The following MAP4K4 variants were observed in gnomAD, a reference collection of about 807,000 sequenced individuals.
The protein encoded by MAP4K4 is mitogen-activated protein kinase kinase kinase kinase 4.
Under a neutral mutation model 189.6 loss-of-function variants are expected in MAP4K4, and 38 were observed. That is an observed-to-expected ratio of 0.20 (90% CI 0.15 to 0.26). MAP4K4 has a LOEUF of 0.26. MAP4K4 is among the 10% of genes least tolerant of loss of function. The pLI is 1.00. For missense variants in MAP4K4, 1,054 were observed against 1,726.9 expected (o/e 0.61, Z 6.91); for synonymous variants, 610 against 624.3 (o/e 0.98, Z 0.34).
At chr2:101,762,889 C>T (rs963985263) in intron 2 of MAP4K4, among the ~76,000 whole-genome samples, 1 of 152,140 alleles carries the variant, frequency 6.6e-6, no homozygotes, top group Non-Finnish European at 1.5e-5. Flanking sequence ...TTTCCAGCAG[C>T]TGTTTTGGGC....
chr2:101,839,932 G>A, exon 10 of MAP4K4: 2 of 1,613,866 alleles, frequency 1.2e-6, no homozygotes, highest in Non-Finnish European at 1.7e-6. Flanking sequence ...CCAAATGAAA[G>A]GCAAGTTAGA....
At chr2:101,846,688 A>G (rs567219203) in intron 12 of MAP4K4, among the ~76,000 whole-genome samples, 2 of 152,348 alleles carry the variant, frequency 1.3e-5, no homozygotes, top group South Asian at 2.1e-4. Flanking sequence ...TCATGTTTTA[A>G]TTAGCCCATT....
At chr2:101,752,349 G>T (rs575699633) in intron 2 of MAP4K4, among the ~76,000 whole-genome samples, 1 of 152,296 alleles carries the variant, frequency 6.6e-6, no homozygotes, top group East Asian at 1.9e-4. Context: ...GCACCAGCTT[G>T]TCTCTTACGG....
At chr2:101,699,428 C>A (rs1478202440) in intron 2 of MAP4K4, among the ~76,000 whole-genome samples, 1 of 152,192 alleles carries the variant, frequency 6.6e-6, no homozygotes, top group East Asian at 1.9e-4. Context: ...CTTGAAAATT[C>A]AGAACGGAAT....
chr2:101,882,948 G>T (rs77761692), intron 28 of MAP4K4, among the ~76,000 whole-genome samples: 1 of 152,226 alleles, frequency 6.6e-6, no homozygotes, highest in Non-Finnish European at 1.5e-5. Context: ...TCTCCCCCAC[G>T]CTGTGCATCT....
rs1338850999 is a variant in MAP4K4 at position 101,760,102 on chromosome 2, TC to T, written c.124-30615del. Reference sequence around the variant, plus strand: ...CTCAGGTGATTTTCTGGCCTTGGCCTCCCAAAGTGTTGGGATCACAGGCATG... The same window carrying T: ...CTCAGGTGATTTTCTGGCCTTGGCCTCCAAAGTGTTGGGATCACAGGCATG... On this transcript the variant is annotated intron_variant, in intron 2 of 32. Transcript: ENST00000324219. Among the ~76,000 whole-genome samples, 3 of 151,998 alleles carry T rather than the reference TC, an allele frequency of 2.0e-5. No homozygotes were observed. In the East Asian group the frequency reaches 5.8e-4, roughly 29 times the overall value.
In MAP4K4 at chr2:101,780,396, A is replaced by T. The variant is rs116130274; in HGVS notation, c.124-10324A>T. Among the ~76,000 whole-genome samples the T allele has an allele frequency of 2.5e-3, 374 of 152,360 alleles. 2 individuals carry two copies. The highest frequency in any genetic ancestry group is 8.3e-3 in the African/African-American group (346 of 41,582). On this transcript the variant is annotated intron_variant, in intron 2 of 32. Coordinates refer to ENST00000324219, the Ensembl canonical transcript of MAP4K4. ...AATATTGAAGTTATACTGTGGATAT[A>T]ATTATGAGGAATCAAGTGTACTGTG...
At chr2:101,812,038 C>T (rs772939103) in intron 3 of MAP4K4, among the ~76,000 whole-genome samples, 8 of 152,130 alleles carry the variant, frequency 5.3e-5, no homozygotes, top group Non-Finnish European at 8.8e-5. Context: ...AGGTACCTAC[C>T]ACTTGAGAGA....
At chr2:101,774,937 G>A (rs1445708252) in intron 2 of MAP4K4, among the ~76,000 whole-genome samples, 1 of 151,990 alleles carries the variant, frequency 6.6e-6, no homozygotes, top group East Asian at 1.9e-4. Context: ...CTCTCAGGTA[G>A]GGTGGAGGCC....
At chr2:101,750,164 A>T (rs1368689411) in intron 2 of MAP4K4, among the ~76,000 whole-genome samples, 2 of 149,824 alleles carry the variant, frequency 1.3e-5, no homozygotes, top group African/African-American at 2.5e-5. Context: ...TACTGGGTAT[A>T]TACCCAATGG....
exon 33 of MAP4K4, chr2:101,892,901 A>T (rs112872541): frequency 0.013 from 5,775 of 456,408 alleles, 59 homozygotes; most frequent in Non-Finnish European, 0.019. Context: ...CTGCCATCTT[A>T]CTTTCCTCTT....
intron 2 of MAP4K4, among the ~76,000 whole-genome samples, chr2:101,741,256 C>T (rs1261938443): frequency 6.6e-6 from 1 of 150,850 alleles, no homozygotes; most frequent in African/African-American, 2.4e-5. Flanking sequence ...CAAGCTCCGC[C>T]TCCTGGGTTC....
intron 2 of MAP4K4, among the ~76,000 whole-genome samples, chr2:101,716,009 A>G (rs1034996621): frequency 6.6e-6 from 1 of 152,162 alleles, no homozygotes; most frequent in Non-Finnish European, 1.5e-5. Context: ...ATGCCTGATG[A>G]TCTGTCACTG....
At chr2:101,719,538 GC>G (rs982268722) in intron 2 of MAP4K4, among the ~76,000 whole-genome samples, 4 of 152,132 alleles carry the variant, frequency 2.6e-5, no homozygotes, top group African/African-American at 9.7e-5. Flanking sequence ...GTGTTTTGAG[GC>G]CCCAGGAAAG....
chr2:101,801,492 T>C (rs976367655), intron 3 of MAP4K4, among the ~76,000 whole-genome samples: 2 of 152,208 alleles, frequency 1.3e-5, no homozygotes, highest in Non-Finnish European at 2.9e-5. Flanking sequence ...ACTCAGTGCA[T>C]TGAATTTTTA....
chr2:101,827,317 TTTAAA>T (rs1466171126), intron 5 of MAP4K4, among the ~76,000 whole-genome samples: 1 of 152,084 alleles, frequency 6.6e-6, no homozygotes, highest in Non-Finnish European at 1.5e-5. Flanking sequence ...GTGACAAAAG[TTTAAA>T]TTAACTAAAA....
chr2:101,760,499 AC>A (rs1558782980), intron 2 of MAP4K4, among the ~76,000 whole-genome samples: 29 of 105,816 alleles, frequency 2.7e-4, no homozygotes, highest in East Asian at 2.3e-3. Flanking sequence ...AAAAAAAAAA[AC>A]AAAATATATA....
At chr2:101,803,032 C>T (rs2094517763) in intron 3 of MAP4K4, among the ~76,000 whole-genome samples, 2 of 152,128 alleles carry the variant, frequency 1.3e-5, no homozygotes, top group African/African-American at 4.8e-5. Flanking sequence ...GTGATCCGCC[C>T]ACCTCAGCCT....
intron 2 of MAP4K4, among the ~76,000 whole-genome samples, chr2:101,755,877 A>C (rs1246192864): frequency 6.9e-6 from 1 of 144,928 alleles, no homozygotes; most frequent in African/African-American, 2.5e-5. Context: ...AGTAGCTGTT[A>C]CTGTGTTTTG....
Sources: allele counts gnomAD v4.1 joint callset (sites outside exome capture counted in the v4.1 genomes callset), GRCh38; gene constraint gnomAD v4.1.1; transcripts MANE v1.5; gene names NCBI Gene and HGNC (gene_info 2026-07-23, HGNC 2026-07-21).